The following CPNE8 variants were observed in gnomAD, a reference collection of about 807,000 sequenced individuals.
CPNE8 encodes the protein copine 8.
CPNE8 carries 45 observed loss-of-function variants against 81.5 expected under a neutral mutation model. That is an observed-to-expected ratio of 0.55 (90% CI 0.44 to 0.71). The LOEUF (loss-of-function observed/expected upper bound fraction) is 0.71. Ranked by LOEUF, CPNE8 falls within the 30% of genes least tolerant of loss-of-function variation. CPNE8 has a pLI of 0.00. For missense variants in CPNE8, 594 were observed against 672.1 expected, an observed-to-expected ratio of 0.88 and a Z score of 1.28; for synonymous variants, 252 against 226.3, an observed-to-expected ratio of 1.11 and a Z score of -1.02.
At chr12:38,886,639 G>GTTT (rs1290923865) in intron 1 of CPNE8, among the ~76,000 whole-genome samples, 1 of 152,198 alleles carries the variant, frequency 6.6e-6, no homozygotes, top group Non-Finnish European at 1.5e-5. Context: ...AAGAAGAGAT[G>GTTT]TAATGTGAGC....
At chr12:38,771,570 A>G (rs1941804392) in intron 7 of CPNE8, among the ~76,000 whole-genome samples, 1 of 152,220 alleles carries the variant, frequency 6.6e-6, no homozygotes. Context: ...TTTGAATAAA[A>G]CTGTATCAAA....
chr12:38,691,003 T>C (rs898959663), intron 15 of CPNE8, among the ~76,000 whole-genome samples: 3 of 152,102 alleles, frequency 2.0e-5, no homozygotes, highest in Non-Finnish European at 4.4e-5. Context: ...CTAGAAATTG[T>C]GTGGGTGATG....
At chr12:38,662,271 A>G (rs915503521) in intron 19 of CPNE8, among the ~76,000 whole-genome samples, 3 of 152,126 alleles carry the variant, frequency 2.0e-5, no homozygotes, top group Non-Finnish European at 4.4e-5. Flanking sequence ...GAATACCACA[A>G]TACAACTGTC....
intron 1 of CPNE8, among the ~76,000 whole-genome samples, chr12:38,897,563 T>C (rs188768893): frequency 9.2e-5 from 14 of 151,596 alleles, no homozygotes; most frequent in Admixed American, 7.9e-4. Flanking sequence ...ATTCATGATA[T>C]AATATTAAGG....
chr12:38,754,724 T>C (rs1034023185), intron 10 of CPNE8, among the ~76,000 whole-genome samples: 2 of 151,714 alleles, frequency 1.3e-5, no homozygotes, highest in African/African-American at 2.4e-5. Context: ...TTGAGAAAAA[T>C]CATGACCTAC....
At chr12:38,815,377 A>G (rs1166683563) in intron 6 of CPNE8, among the ~76,000 whole-genome samples, 3 of 152,160 alleles carry the variant, frequency 2.0e-5, no homozygotes, top group Non-Finnish European at 4.4e-5. Context: ...ATTAAATATT[A>G]GTTGTCATAT....
chr12:38,776,587 G>A (rs1356814207), intron 6 of CPNE8, among the ~76,000 whole-genome samples: 2 of 151,886 alleles, frequency 1.3e-5, no homozygotes, highest in African/African-American at 4.8e-5. Flanking sequence ...CGGTATTACA[G>A]GCATGAGCTA....
At chr12:38,800,497 A>C (rs1942634121) in intron 6 of CPNE8, among the ~76,000 whole-genome samples, 1 of 28,440 alleles carries the variant, frequency 3.5e-5, no homozygotes, top group Non-Finnish European at 1.2e-4. Context: ...TACACCAAAA[A>C]CCCATCTGTA....
At chr12:38,812,653 G>T (rs1253766788) in intron 6 of CPNE8, among the ~76,000 whole-genome samples, 3 of 152,158 alleles carry the variant, frequency 2.0e-5, no homozygotes, top group Non-Finnish European at 4.4e-5. Context: ...AACCATATCA[G>T]TTGGGAAGTG....
chr12:38,756,130 A>C (rs188203806), intron 10 of CPNE8, among the ~76,000 whole-genome samples: 134 of 152,026 alleles, frequency 8.8e-4, no homozygotes, highest in Middle Eastern at 6.9e-3. Context: ...TTACATGCTC[A>C]ACAGCATTAC....
intron 16 of CPNE8, chr12:38,679,584 C>T (rs1939367168): frequency 1.0e-6 from 1 of 985,026 alleles, no homozygotes; most frequent in African/African-American, 1.7e-5. Flanking sequence ...TTACATTTTA[C>T]TTTTAAGTTC....
chr12:38,817,915 G>T (rs865850311), intron 6 of CPNE8, among the ~76,000 whole-genome samples: 2 of 152,050 alleles, frequency 1.3e-5, no homozygotes, highest in Admixed American at 6.6e-5. Context: ...GAGCCACTGC[G>T]CCTGGCCAAT....
At chr12:38,884,856 G>C (rs975852042) in intron 1 of CPNE8, among the ~76,000 whole-genome samples, 2 of 152,018 alleles carry the variant, frequency 1.3e-5, no homozygotes, top group African/African-American at 2.4e-5. Context: ...TACCAGTTAG[G>C]AGTAGCCACT....
At chr12:38,808,252 G>T (rs1036651919) in intron 6 of CPNE8, among the ~76,000 whole-genome samples, 1 of 152,066 alleles carries the variant, frequency 6.6e-6, no homozygotes, top group Non-Finnish European at 1.5e-5. Flanking sequence ...CCTATTACTG[G>T]TTATATACCC....
At chr12:38,831,282 T>A (rs1943281414) in intron 5 of CPNE8, among the ~76,000 whole-genome samples, 1 of 152,074 alleles carries the variant, frequency 6.6e-6, no homozygotes, top group African/African-American at 2.4e-5. Context: ...ACACAAAAGT[T>A]GTCTTAGGGT....
intron 17 of CPNE8, among the ~76,000 whole-genome samples, chr12:38,677,238 T>A (rs1267177500): frequency 6.6e-6 from 1 of 151,864 alleles, no homozygotes; most frequent in Non-Finnish European, 1.5e-5. Flanking sequence ...TAGGCAAAAA[T>A]TTTTTTTAAC....
At chr12:38,881,298 G>A (rs995027332) in intron 1 of CPNE8, among the ~76,000 whole-genome samples, 6 of 152,042 alleles carry the variant, frequency 3.9e-5, no homozygotes, top group Admixed American at 2.0e-4. Flanking sequence ...TAATTCTGAA[G>A]GATAGGGTCA....
At chr12:38,835,675 C>T (rs576621056) in intron 5 of CPNE8, among the ~76,000 whole-genome samples, 1 of 152,144 alleles carries the variant, frequency 6.6e-6, no homozygotes, top group East Asian at 1.9e-4. Context: ...AGAATCTTGC[C>T]CCACTTAAAA....
intron 3 of CPNE8, among the ~76,000 whole-genome samples, chr12:38,862,323 T>C (rs1943849628): frequency 6.6e-6 from 1 of 151,806 alleles, no homozygotes; most frequent in Non-Finnish European, 1.5e-5. Flanking sequence ...GGTGGAAACA[T>C]ATGAGTTTAA....
Sources: gnomAD v4.1 joint callset for allele counts (sites outside exome capture counted in the v4.1 genomes callset) on GRCh38, gnomAD v4.1.1 for gene constraint, MANE v1.5 for transcripts, NCBI Gene and HGNC (gene_info 2026-07-23, HGNC 2026-07-21) for gene names.